The following SOX6 variants were observed in gnomAD, a reference collection of about 807,000 sequenced individuals.
SOX6 encodes the protein SRY-box transcription factor 6.
A neutral mutation model predicts 97.8 loss-of-function variants in SOX6; 11 were observed. The ratio of observed to expected loss-of-function variants is 0.11; its 90% confidence interval spans 0.07 to 0.19. The LOEUF is 0.19. Ranked by LOEUF, SOX6 falls within the 10% of genes least tolerant of loss-of-function variation. SOX6 has a pLI of 1.00. For missense variants in SOX6, 810 were observed against 1,039.5 expected (o/e 0.78, Z 3.04); for synonymous variants, 360 against 371.4 (o/e 0.97, Z 0.35).
At position 16,082,643 on chromosome 11, in the gene SOX6, C is replaced by T. The variant is rs577355182; in HGVS notation, c.1101+13353G>A. 2.6e-5 allele frequency among the ~76,000 whole-genome samples: 4 copies of T among 152,224 alleles called. No individual in the cohort carries two copies. The South Asian group carries it at 8.3e-4, about 32-fold the overall frequency. On this transcript the variant is annotated intron_variant, in intron 9 of 15. Transcript: ENST00000683767. Reference sequence around the variant, plus strand: ...TACAGTCTCATTTGCCACAGGGTACCATTGTACTAAAGGGACTATCAATCT... The same window carrying T: ...TACAGTCTCATTTGCCACAGGGTACTATTGTACTAAAGGGACTATCAATCT...
intron 4 of SOX6, among the ~76,000 whole-genome samples, chr11:16,513,643 TAAAC>T (rs912895422): frequency 9.3e-5 from 14 of 151,282 alleles, no homozygotes; most frequent in African/African-American, 2.7e-4. Flanking sequence ...AATAAATAAA[TAAAC>T]AAACAAACAA....
intron 9 of SOX6, among the ~76,000 whole-genome samples, chr11:16,091,072 C>A (rs962009230): frequency 6.6e-5 from 10 of 151,914 alleles, no homozygotes; most frequent in Non-Finnish European, 1.3e-4. Context: ...AACTCTAATC[C>A]AAAGTTCTAA....
intron 1 of SOX6, among the ~76,000 whole-genome samples, chr11:16,347,472 A>C (rs141822956): frequency 2.6e-5 from 4 of 152,282 alleles, no homozygotes; most frequent in Non-Finnish European, 5.9e-5. Flanking sequence ...TAGCACAATG[A>C]CTTTATAGCT....
At chr11:16,004,208 T>C (rs1371254498) in intron 13 of SOX6, among the ~76,000 whole-genome samples, 3 of 151,962 alleles carry the variant, frequency 2.0e-5, no homozygotes, top group Non-Finnish European at 4.4e-5. Flanking sequence ...TACTCCTCAT[T>C]CCAAATGAGG....
chr11:16,195,296 A>T (rs1312891856), intron 4 of SOX6, among the ~76,000 whole-genome samples: 2 of 152,204 alleles, frequency 1.3e-5, no homozygotes, highest in Non-Finnish European at 2.9e-5. Flanking sequence ...TTGAATTTGA[A>T]TTCACATCTT....
intron 1 of SOX6, among the ~76,000 whole-genome samples, chr11:16,386,454 C>A (rs1035256450): frequency 6.6e-6 from 1 of 152,002 alleles, no homozygotes; most frequent in Non-Finnish European, 1.5e-5. Flanking sequence ...GATACAGATT[C>A]CTGCATATAG....
chr11:16,448,969 C>A (rs1252547097), intron 1 of SOX6, among the ~76,000 whole-genome samples: 1 of 152,166 alleles, frequency 6.6e-6, no homozygotes, highest in African/African-American at 2.4e-5. Context: ...GAGTTCAAGG[C>A]TGCAGTGCAA....
intron 4 of SOX6, among the ~76,000 whole-genome samples, chr11:16,595,658 G>A (rs999151601): frequency 3.3e-5 from 5 of 150,490 alleles, no homozygotes; most frequent in African/African-American, 9.8e-5. Context: ...TTCTGTAGTC[G>A]CAGCTACTCA....
chr11:16,398,941 C>A (rs922825474), intron 1 of SOX6, among the ~76,000 whole-genome samples: 1 of 151,036 alleles, frequency 6.6e-6, no homozygotes, highest in African/African-American at 2.4e-5. Flanking sequence ...TTCATAGAAT[C>A]TTTTAAGAAA....
upstream of SOX6, among the ~76,000 whole-genome samples, chr11:16,357,405 G>A (rs1228199508): frequency 6.6e-6 from 1 of 152,150 alleles, no homozygotes; most frequent in Non-Finnish European, 1.5e-5. Flanking sequence ...CCAGAGCACT[G>A]AAGCTCTGAT....
rs184018717 is a variant in SOX6, at chr11:16,228,500, G to C, written c.535+6082C>G. ...AGAATATTATGAATGGTGGTTAACA[G>C]GGGTAGGAGAGAGAGAGGAATAGGG... On this transcript the variant is annotated intron_variant, in intron 4 of 15. Transcript: ENST00000683767. Among the ~76,000 whole-genome samples the C allele has an allele frequency of 1.3e-3, 201 of 152,190 alleles. 1 individual carries two copies. The highest frequency in any genetic ancestry group is 4.5e-3 in the African/African-American group (188 of 41,546).
intron 3 of SOX6, among the ~76,000 whole-genome samples, chr11:16,656,095 T>C (rs1400673735): frequency 6.6e-6 from 1 of 152,228 alleles, no homozygotes; most frequent in Non-Finnish European, 1.5e-5. Flanking sequence ...TGCTTTTTTT[T>C]TTGAGAAGGA....
At chr11:16,205,791 G>A (rs1852055725) in intron 4 of SOX6, among the ~76,000 whole-genome samples, 1 of 152,056 alleles carries the variant, frequency 6.6e-6, no homozygotes, top group South Asian at 2.1e-4. Flanking sequence ...CAGAGTGGAA[G>A]GTTTCTGGAA....
At position 16,294,616 on chromosome 11, in the gene SOX6, A is replaced by G. The variant is rs866886561; in HGVS notation, c.445+23830T>C. On this transcript the variant is annotated intron_variant, in intron 3 of 15. Coordinates refer to ENST00000683767, the MANE Select transcript of SOX6 (RefSeq NM_001367873.1). ...AAATAAATATTTAAATGAAGTTGCC[A>G]GTTTTAATGCTGTTATAATGGCTAC... Among the ~76,000 whole-genome samples the G allele has an allele frequency of 2.1e-4, 32 of 152,240 alleles. No individual in the cohort carries two copies. In the South Asian group the frequency reaches 2.3e-3, roughly 11 times the overall value.
chr11:16,638,978 A>T (rs1357860712), intron 3 of SOX6, among the ~76,000 whole-genome samples: 2 of 152,126 alleles, frequency 1.3e-5, no homozygotes, highest in Non-Finnish European at 2.9e-5. Flanking sequence ...GGTGTTTTAG[A>T]CATGAAGTCC....
chr11:16,494,438 T>C (rs975112657), intron 4 of SOX6, among the ~76,000 whole-genome samples: 1 of 152,164 alleles, frequency 6.6e-6, no homozygotes, highest in African/African-American at 2.4e-5. Flanking sequence ...TCCTGATACA[T>C]ATATCCTCAA....
chr11:15,981,262 T>C (rs1853647540), intron 15 of SOX6, among the ~76,000 whole-genome samples: 2 of 152,082 alleles, frequency 1.3e-5, no homozygotes, highest in African/African-American at 4.8e-5. Flanking sequence ...TTGTGGATGT[T>C]TGTAAAAGTA....
At chr11:16,259,583 A>T (rs1268638486) in intron 3 of SOX6, among the ~76,000 whole-genome samples, 1 of 152,174 alleles carries the variant, frequency 6.6e-6, no homozygotes, top group Admixed American at 6.5e-5. Context: ...ACCAATAGAC[A>T]TAGAACAAAA....
chr11:16,040,247 T>C (rs997040857), intron 12 of SOX6, among the ~76,000 whole-genome samples: 4 of 152,030 alleles, frequency 2.6e-5, no homozygotes, highest in African/African-American at 9.7e-5. Flanking sequence ...CACTTATATA[T>C]AAATTCTCAC....
Sources: allele counts gnomAD v4.1 joint callset (sites outside exome capture counted in the v4.1 genomes callset), GRCh38; gene constraint gnomAD v4.1.1; transcripts MANE v1.5; gene names NCBI Gene and HGNC (gene_info 2026-07-23, HGNC 2026-07-21).